The following LEKR1 variants were observed in gnomAD, a reference collection of about 807,000 sequenced individuals.
The protein encoded by LEKR1 is protein LEKR1.
LEKR1 carries 59 observed loss-of-function variants against 72.4 expected under a neutral mutation model. The observed-to-expected ratio is 0.82, with a 90% confidence interval of 0.66 to 1.01. LEKR1 has a LOEUF of 1.01. LEKR1 is among the 50% of genes least tolerant of loss of function. The pLI is 0.00. For synonymous variants in LEKR1, 257 were observed against 263.2 expected (o/e 0.98, Z 0.23); for missense variants, 728 against 759.2 (o/e 0.96, Z 0.48).
At chr3:156,964,680 A>G (rs1174608629) in intron 6 of LEKR1, among the ~76,000 whole-genome samples, 1 of 152,116 alleles carries the variant, frequency 6.6e-6, no homozygotes, top group Non-Finnish European at 1.5e-5. Flanking sequence ...CAGAAAGAAG[A>G]GTCAGTACTC....
At chr3:157,001,639 T>C (rs1409433180) in intron 9 of LEKR1, among the ~76,000 whole-genome samples, 1 of 152,226 alleles carries the variant, frequency 6.6e-6, no homozygotes, top group Non-Finnish European at 1.5e-5. Context: ...ATTTTAAACC[T>C]ATCTGGTGAA....
At chr3:156,971,373 A>T (rs1729173399) in intron 6 of LEKR1, among the ~76,000 whole-genome samples, 2 of 152,258 alleles carry the variant, frequency 1.3e-5, no homozygotes, top group South Asian at 4.1e-4. Flanking sequence ...GTTGGACCTG[A>T]AACCATAAAA....
chr3:156,977,155 C>T (rs909706742), intron 6 of LEKR1, among the ~76,000 whole-genome samples: 3 of 152,158 alleles, frequency 2.0e-5, no homozygotes, highest in Admixed American at 1.3e-4. Flanking sequence ...AGCCCTTTGG[C>T]GTGCCACTCT....
intron 3 of LEKR1, among the ~76,000 whole-genome samples, chr3:156,902,670 C>T (rs1168706019): frequency 1.3e-5 from 2 of 150,236 alleles, no homozygotes; most frequent in Non-Finnish European, 2.9e-5. Flanking sequence ...GCTATGTGTT[C>T]CTATATTTGG....
At chr3:156,983,131 A>G (rs1482139105) in intron 7 of LEKR1, among the ~76,000 whole-genome samples, 1 of 152,192 alleles carries the variant, frequency 6.6e-6, no homozygotes, top group Non-Finnish European at 1.5e-5. Context: ...AGATAGATAA[A>G]TAAGCCTTAA....
At chr3:156,981,232 C>T (rs913373633) in intron 7 of LEKR1, among the ~76,000 whole-genome samples, 3 of 152,170 alleles carry the variant, frequency 2.0e-5, no homozygotes, top group African/African-American at 4.8e-5. Flanking sequence ...GGAATGTACC[C>T]CTGTTGTAAA....
At chr3:156,948,331 AT>A (rs1726858490) in intron 6 of LEKR1, among the ~76,000 whole-genome samples, 2 of 151,088 alleles carry the variant, frequency 1.3e-5, no homozygotes, top group Admixed American at 1.3e-4. Context: ...AAAGCTATTT[AT>A]TTTTATATAT....
In LEKR1 at chr3:157,045,425, T is replaced by C. The variant is rs1398084113; in HGVS notation, c.1754T>C (p.Leu585Pro). The C allele has an allele frequency of 1.2e-6, 2 of 1,614,080 alleles. No individual in the cohort carries two copies. The highest frequency in any genetic ancestry group is 4.5e-5 in the East Asian group (2 of 44,884). ...TEALSQAREQ[L>P]LELSKLRGSL... ...GCTTTGAGTCAAGCCAGAGAACAGCTCCTGGAGCTCAGTAAGCTTCGTGGA... is the reference window on the plus strand; with the variant it reads ...GCTTTGAGTCAAGCCAGAGAACAGCCCCTGGAGCTCAGTAAGCTTCGTGGA... The change falls in exon 13 of 13, where the codon CTC (leucine) becomes CCC (proline). Residue 585 changes from leucine (L) to proline (P), a missense_variant. By Grantham distance (98) the Leu-to-Pro change is moderately conservative. Transcript: ENST00000356539.
chr3:156,840,111 A>G (rs1404004004), intron 2 of LEKR1, among the ~76,000 whole-genome samples: 1 of 152,188 alleles, frequency 6.6e-6, no homozygotes, highest in Non-Finnish European at 1.5e-5. Context: ...TGATTTTCTT[A>G]ACATTTTCTT....
intron 7 of LEKR1, among the ~76,000 whole-genome samples, chr3:156,987,031 TG>T (rs1194990239): frequency 1.1e-5 from 1 of 93,184 alleles, no homozygotes; most frequent in Non-Finnish European, 2.6e-5. Context: ...GCTATTGTAT[TG>T]TATTGTATTG....
intron 10 of LEKR1, chr3:157,017,430 C>G (rs532454802): frequency 6.6e-6 from 1 of 152,154 alleles, no homozygotes; most frequent in Non-Finnish European, 1.5e-5. Flanking sequence ...GCAGGTGTCC[C>G]CATCCTCCCT....
chr3:156,907,454 A>AT (rs1722635805), intron 3 of LEKR1, among the ~76,000 whole-genome samples: 2 of 152,042 alleles, frequency 1.3e-5, no homozygotes, highest in Admixed American at 6.6e-5. Flanking sequence ...ACCATAGGTT[A>AT]TTTAACTGTT....
intron 7 of LEKR1, among the ~76,000 whole-genome samples, chr3:156,983,029 A>G (rs531434598): frequency 6.6e-6 from 1 of 152,192 alleles, no homozygotes; most frequent in East Asian, 1.9e-4. Context: ...TTTAATTTTT[A>G]AGAAGGTCTT....
intron 3 of LEKR1, among the ~76,000 whole-genome samples, chr3:156,908,001 C>A (rs1182584321): frequency 6.6e-6 from 1 of 151,746 alleles, no homozygotes; most frequent in African/African-American, 2.4e-5. Flanking sequence ...GTAGAATATC[C>A]CTCAATTTGG....
chr3:157,036,196 AATTAATATCCTCAG>A (rs1440893063), intron 12 of LEKR1, among the ~76,000 whole-genome samples: 9 of 152,206 alleles, frequency 5.9e-5, no homozygotes, highest in Admixed American at 1.3e-4. Context: ...AAAAATGTAT[AATTAATATCCTCAG>A]AGAGAAAAGA....
chr3:157,042,828 T>C (rs749913162), intron 12 of LEKR1, among the ~76,000 whole-genome samples: 1 of 152,210 alleles, frequency 6.6e-6, no homozygotes, highest in Non-Finnish European at 1.5e-5. Context: ...AAATTAACTC[T>C]TTCTCATTGC....
intron 4 of LEKR1, 37 bp from the exon 5 acceptor site, chr3:156,927,392 A>G (rs1343104697): frequency 4.7e-6 from 4 of 859,942 alleles, no homozygotes; most frequent in Non-Finnish European, 5.9e-6. Context: ...TATGCTTACT[A>G]TTTTTTAAAA....
chr3:157,014,583 G>A (rs1336959594), intron 10 of LEKR1, among the ~76,000 whole-genome samples: 1 of 152,060 alleles, frequency 6.6e-6, no homozygotes, highest in Admixed American at 6.6e-5. Context: ...AGATGATGTT[G>A]TTATTTATAA....
chr3:156,875,464 A>G (rs1430203926), intron 3 of LEKR1, among the ~76,000 whole-genome samples: 2 of 152,036 alleles, frequency 1.3e-5, no homozygotes, highest in Non-Finnish European at 1.5e-5. Flanking sequence ...ATTTTCTCCC[A>G]TTCTGTGGGC....
Sources: allele counts gnomAD v4.1 joint callset (sites outside exome capture counted in the v4.1 genomes callset), GRCh38; gene constraint gnomAD v4.1.1; transcripts MANE v1.5; gene names NCBI Gene and HGNC (gene_info 2026-07-23, HGNC 2026-07-21).